Variants in XIRP2 observed in about 807,000 individuals in gnomAD.
The protein encoded by XIRP2 is xin actin-binding repeat-containing protein 2.
In XIRP2, 236 loss-of-function variants were observed where a neutral mutation model predicts 277.0. The ratio of observed to expected loss-of-function variants is 0.85; its 90% CI spans 0.77 to 0.95. XIRP2 has a LOEUF of 0.95. Among genes scored for constraint, XIRP2 ranks in the 40% least tolerant of loss-of-function variants. The pLI, the probability that XIRP2 is intolerant of heterozygous loss-of-function variation, is 0.00. For synonymous variants in XIRP2, 1,490 were observed against 1,416.5 expected, an observed-to-expected ratio of 1.05 and a Z score of -1.17; for missense variants, 4,640 against 4,157.5, an observed-to-expected ratio of 1.12 and a Z score of -3.19.
At chr2:167,112,790 T>C (rs1006071335) in intron 2 of XIRP2, among the ~76,000 whole-genome samples, 1 of 152,062 alleles carries the variant, frequency 6.6e-6, no homozygotes, top group Admixed American at 6.6e-5. Context: ...TAGCTGGGAC[T>C]ACAGGTGTGT....
intron 3 of XIRP2, among the ~76,000 whole-genome samples, chr2:167,185,658 T>A (rs931364333): frequency 6.6e-6 from 1 of 152,082 alleles, no homozygotes; most frequent in Non-Finnish European, 1.5e-5. Context: ...AGAATAAAAT[T>A]GACTATGTTT....
intron 2 of XIRP2, among the ~76,000 whole-genome samples, chr2:166,933,096 A>G (rs1265510626): frequency 6.6e-6 from 1 of 151,954 alleles, no homozygotes; most frequent in African/African-American, 2.4e-5. Flanking sequence ...ATACACACAC[A>G]CACACAAACA....
chr2:167,190,782 G>A lies in XIRP2; in HGVS notation c.563-19953G>A, dbSNP rs1693306438. ...AGTTTTTCACAACAATGACAATGTGGCCATATTTAATGACTCTTGGGGCTT... is the reference window on the plus strand; with the variant it reads ...AGTTTTTCACAACAATGACAATGTGACCATATTTAATGACTCTTGGGGCTT... On this transcript the variant is annotated intron_variant, in intron 3 of 10. Coordinates refer to ENST00000409195, the MANE Select transcript of XIRP2 (RefSeq NM_152381.6). Among the ~76,000 whole-genome samples the A allele has an allele frequency of 2.6e-5, 4 of 152,102 alleles. No individual in the cohort carries two copies. In the South Asian group the frequency reaches 8.3e-4, roughly 32 times the overall value.
At chr2:166,929,897 T>A (rs1275290886) in intron 2 of XIRP2, among the ~76,000 whole-genome samples, 2 of 152,154 alleles carry the variant, frequency 1.3e-5, no homozygotes, top group Admixed American at 6.6e-5. Context: ...ACAGGAATAT[T>A]TAAAAATATA....
intron 2 of XIRP2, among the ~76,000 whole-genome samples, chr2:166,921,026 A>G (rs1409298497): frequency 6.6e-6 from 1 of 152,166 alleles, no homozygotes; most frequent in Admixed American, 6.5e-5. Flanking sequence ...TACACTAACA[A>G]GAAGTTTATT....
At chr2:166,944,020 C>T (rs1162061148) in intron 2 of XIRP2, among the ~76,000 whole-genome samples, 3 of 152,160 alleles carry the variant, frequency 2.0e-5, no homozygotes, top group African/African-American at 4.8e-5. Flanking sequence ...AATATGGATG[C>T]TGGCAGCCTT....
At position 167,248,280 on chromosome 2, in the gene XIRP2, T is replaced by C. The variant is rs370129932; in HGVS notation, c.6888T>C (p.Pro2296=). The C allele has an allele frequency of 3.1e-6, 5 of 1,613,660 alleles. No individual in the cohort carries two copies. Residue 2296 remains proline, a synonymous_variant, in exon 9 of 11, where the codon CCT becomes CCC. Transcript: ENST00000409195. ...ECPLPPPSPP[P]PPPSNASSEI... Reference sequence around the variant, plus strand: ...CCCTTCCACCTCCATCTCCACCTCCTCCACCACCTTCTAATGCATCATCTG... The same window carrying C: ...CCCTTCCACCTCCATCTCCACCTCCCCCACCACCTTCTAATGCATCATCTG...
In XIRP2 at chr2:167,245,602, C is replaced by T. The variant is rs1559040024; in HGVS notation, c.4210C>T (p.His1404Tyr). 6.2e-7 allele frequency: 1 copy of T among 1,613,648 alleles called. No homozygotes were observed. The highest frequency in any genetic ancestry group is 1.3e-5 in the African/African-American group (1 of 75,006). The change falls in exon 9 of 11, where the codon CAT (histidine) becomes TAT (tyrosine). Residue 1404 changes from histidine to tyrosine, a missense_variant. His to Tyr is a moderately conservative substitution (Grantham distance 83). Transcript: ENST00000409195. The part of the protein sequence containing the change: ...QPLDQISEES[H>Y]NIMPSIDHIQ... Reference sequence around the variant, plus strand: ...ACTGGATCAGATTTCTGAAGAATCACATAATATTATGCCCAGTATTGACCA... The same window carrying T: ...ACTGGATCAGATTTCTGAAGAATCATATAATATTATGCCCAGTATTGACCA...
intron 3 of XIRP2, among the ~76,000 whole-genome samples, chr2:167,199,211 A>G (rs1435552570): frequency 6.6e-6 from 1 of 152,194 alleles, no homozygotes; most frequent in Admixed American, 6.5e-5. Context: ...CCTAAAACAC[A>G]TTCAGATACC....
chr2:166,913,460 A>G (rs1325253220), intron 2 of XIRP2, among the ~76,000 whole-genome samples: 3 of 152,062 alleles, frequency 2.0e-5, no homozygotes, highest in African/African-American at 7.2e-5. Flanking sequence ...AAATGCAGAA[A>G]TCACCCATCT....
At chr2:167,113,245 C>G (rs7586785) in intron 2 of XIRP2, among the ~76,000 whole-genome samples, 44,769 of 151,830 alleles carry the variant, frequency 0.29, 9,071 homozygotes, top group African/African-American at 0.58. Context: ...TTGTCAGTGG[C>G]GTGTTAAAGT....
chr2:167,101,279 T>A (rs775142799), intron 2 of XIRP2, among the ~76,000 whole-genome samples: 1 of 152,208 alleles, frequency 6.6e-6, no homozygotes, highest in Non-Finnish European at 1.5e-5. Flanking sequence ...GAATATAATC[T>A]CCTGGATAAA....
chr2:167,051,759 TTG>T (rs1226351530), intron 2 of XIRP2, among the ~76,000 whole-genome samples: 2 of 152,078 alleles, frequency 1.3e-5, no homozygotes, highest in African/African-American at 4.8e-5. Flanking sequence ...GATATTCTAT[TTG>T]GGGAAATTTT....
At chr2:167,075,179 G>GTTTTT (rs1229603253) in intron 2 of XIRP2, among the ~76,000 whole-genome samples, 4 of 151,878 alleles carry the variant, frequency 2.6e-5, no homozygotes, top group Non-Finnish European at 5.9e-5. Context: ...TACATTTTTG[G>GTTTTT]TTTTTTGTTT....
At chr2:166,975,221 C>A (rs1161665380) in intron 2 of XIRP2, among the ~76,000 whole-genome samples, 1 of 151,996 alleles carries the variant, frequency 6.6e-6, no homozygotes. Context: ...AGCTTTCTTT[C>A]AAAAATTGGC....
chr2:167,074,040 A>G (rs536987851), intron 2 of XIRP2, among the ~76,000 whole-genome samples: 1 of 152,268 alleles, frequency 6.6e-6, no homozygotes, highest in East Asian at 1.9e-4. Flanking sequence ...TATTATACCC[A>G]TTGCATAAAT....
chr2:167,022,082 A>G (rs780049285), intron 2 of XIRP2, among the ~76,000 whole-genome samples: 1 of 152,138 alleles, frequency 6.6e-6, no homozygotes, highest in South Asian at 2.1e-4. Context: ...GAATGCTTGA[A>G]GAACTGTTCA....
chr2:167,097,191 T>C (rs1235423719), intron 2 of XIRP2, among the ~76,000 whole-genome samples: 1 of 152,174 alleles, frequency 6.6e-6, no homozygotes, highest in Non-Finnish European at 1.5e-5. Flanking sequence ...AGTCTCTTTG[T>C]AGTCTCTAAG....
intron 3 of XIRP2, among the ~76,000 whole-genome samples, chr2:167,164,426 A>G (rs1307328256): frequency 6.8e-6 from 1 of 147,222 alleles, no homozygotes; most frequent in East Asian, 2.0e-4. Context: ...AGCCTGGGCG[A>G]AAGAGCGAGA....
Sources: allele counts gnomAD v4.1 joint callset (sites outside exome capture counted in the v4.1 genomes callset), GRCh38; gene constraint gnomAD v4.1.1; transcripts MANE v1.5; gene names NCBI Gene and HGNC (gene_info 2026-07-23, HGNC 2026-07-21).